The following SMYD3 variants were observed in gnomAD, a reference collection of about 807,000 sequenced individuals.
SMYD3 encodes the protein SET and MYND domain containing 3, also known as histone-lysine N-methyltransferase SMYD3.
Under a neutral mutation model 57.7 loss-of-function variants are expected in SMYD3, and 36 were observed. That is an observed-to-expected ratio of 0.62 (90% confidence interval 0.48 to 0.82). The LOEUF (loss-of-function observed/expected upper bound fraction) is 0.82, where lower values mean the gene tolerates loss of function less well. Among genes scored for constraint, SMYD3 ranks in the 40% least tolerant of loss-of-function variants. The probability of loss-of-function intolerance (pLI) is 0.00; values close to 1 mark genes in which losing one functional copy is unlikely to be tolerated. For synonymous variants in SMYD3, 211 were observed against 195.0 expected (o/e 1.08, Z -0.68); for missense variants, 515 against 538.8 (o/e 0.96, Z 0.44).
At chr1:245,781,477 G>A (rs562047184) in intron 10 of SMYD3, among the ~76,000 whole-genome samples, 35 of 152,240 alleles carry the variant, frequency 2.3e-4, no homozygotes, top group African/African-American at 8.4e-4. Context: ...TGAGAAAAAT[G>A]CCACCTTCTT....
intron 5 of SMYD3, among the ~76,000 whole-genome samples, chr1:246,031,673 G>A (rs1321864031): frequency 1.3e-5 from 2 of 151,078 alleles, no homozygotes; most frequent in African/African-American, 4.9e-5. Flanking sequence ...GGAGGCGGAG[G>A]ATGCAGTGAG....
intron 5 of SMYD3, among the ~76,000 whole-genome samples, chr1:246,318,810 G>T (rs1184893593): frequency 6.6e-6 from 1 of 152,054 alleles, no homozygotes; most frequent in Non-Finnish European, 1.5e-5. Context: ...GACCAACACG[G>T]GTATAAACAA....
At chr1:245,831,850 G>A (rs879480773) in intron 10 of SMYD3, among the ~76,000 whole-genome samples, 1 of 152,214 alleles carries the variant, frequency 6.6e-6, no homozygotes, top group Non-Finnish European at 1.5e-5. Context: ...AAGTGTGCAT[G>A]CACGTGTGTG....
intron 1 of SMYD3, among the ~76,000 whole-genome samples, chr1:246,473,528 G>T (rs1195025696): frequency 6.6e-6 from 1 of 152,148 alleles, no homozygotes; most frequent in Non-Finnish European, 1.5e-5. Context: ...GTTGCTTCTA[G>T]CTAGGAATAT....
chr1:245,821,242 A>G (rs372494937), intron 10 of SMYD3, among the ~76,000 whole-genome samples: 16 of 146,322 alleles, frequency 1.1e-4, no homozygotes, highest in Non-Finnish European at 1.8e-4. Context: ...AAATAACGCC[A>G]CATATCTACA....
intron 2 of SMYD3, among the ~76,000 whole-genome samples, chr1:246,345,900 A>G (rs886939860): frequency 6.6e-6 from 1 of 152,116 alleles, no homozygotes; most frequent in African/African-American, 2.4e-5. Context: ...CCCTGATATT[A>G]CTCAAACTAG....
chr1:246,366,700 T>G (rs1475700970), intron 1 of SMYD3, among the ~76,000 whole-genome samples: 1 of 151,982 alleles, frequency 6.6e-6, no homozygotes, highest in Non-Finnish European at 1.5e-5. Context: ...TCCCAGCACT[T>G]TGAGGTGGGC....
At chr1:245,908,609 A>G (rs1435974495) in intron 8 of SMYD3, among the ~76,000 whole-genome samples, 1 of 152,264 alleles carries the variant, frequency 6.6e-6, no homozygotes, top group East Asian at 1.9e-4. Context: ...ACACATTTTT[A>G]GAAACTGAGA....
At chr1:245,759,580 C>G (rs12117389) in intron 11 of SMYD3, among the ~76,000 whole-genome samples, 13,368 of 152,248 alleles carry the variant, frequency 0.088, 661 homozygotes, top group Middle Eastern at 0.15. Flanking sequence ...ACTGCATGCT[C>G]TAAATCAGCC....
chr1:245,902,461 A>G (rs1002087403), intron 8 of SMYD3, among the ~76,000 whole-genome samples: 1 of 152,206 alleles, frequency 6.6e-6, no homozygotes, highest in African/African-American at 2.4e-5. Context: ...GGAAGATAGG[A>G]TAAGCCTGCA....
chr1:246,023,807 C>CTGGGTG (rs2059519435), intron 5 of SMYD3, among the ~76,000 whole-genome samples: 1 of 139,512 alleles, frequency 7.2e-6, no homozygotes, highest in Non-Finnish European at 1.5e-5. Context: ...TATTACAAAA[C>CTGGGTG]TGTGTGTGTG....
intron 5 of SMYD3, among the ~76,000 whole-genome samples, chr1:246,003,857 G>A (rs995414046): frequency 6.6e-6 from 1 of 152,094 alleles, no homozygotes; most frequent in African/African-American, 2.4e-5. Context: ...ATATAATACA[G>A]TCGTGTAAAT....
intron 5 of SMYD3, among the ~76,000 whole-genome samples, chr1:245,995,835 A>C (rs2058919701): frequency 6.6e-6 from 1 of 152,220 alleles, no homozygotes; most frequent in South Asian, 2.1e-4. Context: ...CAGAGAGCCA[A>C]TAGACATGCA....
intron 2 of SMYD3, among the ~76,000 whole-genome samples, chr1:246,348,425 A>AAT (rs1294436553): frequency 6.7e-4 from 101 of 151,376 alleles, no homozygotes; most frequent in Admixed American, 1.1e-3. Flanking sequence ...CGGAAAAAAA[A>AAT]ATATATATAT....
intron 1 of SMYD3, among the ~76,000 whole-genome samples, chr1:246,377,706 T>C (rs1396594501): frequency 6.6e-6 from 1 of 152,182 alleles, no homozygotes; most frequent in Non-Finnish European, 1.5e-5. Context: ...AGTTTTCACT[T>C]AAATCCCTGA....
At chr1:245,875,390 G>A (rs1008352906) in intron 8 of SMYD3, among the ~76,000 whole-genome samples, 10 of 152,222 alleles carry the variant, frequency 6.6e-5, no homozygotes, top group Admixed American at 2.6e-4. Context: ...GCTGGAAATT[G>A]TGGGGAGAGC....
intron 10 of SMYD3, among the ~76,000 whole-genome samples, chr1:245,815,378 A>G (rs968947533): frequency 6.6e-6 from 1 of 152,182 alleles, no homozygotes; most frequent in African/African-American, 2.4e-5. Flanking sequence ...TTCCATCCCA[A>G]TCTCCATGGT....
intron 10 of SMYD3, among the ~76,000 whole-genome samples, chr1:245,787,090 C>T (rs1348713556): frequency 6.6e-6 from 1 of 152,212 alleles, no homozygotes; most frequent in Non-Finnish European, 1.5e-5. Flanking sequence ...TTTACAACGC[C>T]TTCTTCCACT....
intron 1 of SMYD3, among the ~76,000 whole-genome samples, chr1:246,466,052 G>C (rs553623434): frequency 1.3e-5 from 2 of 152,220 alleles, no homozygotes; most frequent in African/African-American, 4.8e-5. Flanking sequence ...GATTAGAGGC[G>C]TGAGCCACTG....
Sources: gnomAD v4.1 joint callset for allele counts (sites outside exome capture counted in the v4.1 genomes callset) on GRCh38, gnomAD v4.1.1 for gene constraint, MANE v1.5 for transcripts, NCBI Gene and HGNC (gene_info 2026-07-23, HGNC 2026-07-21) for gene names.